The following VGLL4 variants were observed in gnomAD, a reference collection of about 807,000 sequenced individuals.
VGLL4 encodes the protein vestigial like family member 4.
A neutral mutation model predicts 21.0 loss-of-function variants in VGLL4; 7 were observed. The observed-to-expected ratio is 0.33, with a 90% CI of 0.19 to 0.63. VGLL4 has a LOEUF of 0.63. VGLL4 is among the 20% of genes least tolerant of loss of function. The pLI is 0.78. For synonymous variants in VGLL4, 222 were observed against 173.2 expected (o/e 1.28, Z -2.21); for missense variants, 394 against 425.7 (o/e 0.93, Z 0.66).
chr3:11,626,542 C>G (rs2075355280), intron 1 of VGLL4: 1 of 410,998 alleles, frequency 2.4e-6, no homozygotes, highest in Non-Finnish European at 4.8e-6. Flanking sequence ...TTGAAGGTAC[C>G]ATGACTATTC....
At chr3:11,658,108 AT>A (rs11309820) in intron 2 of VGLL4, among the ~76,000 whole-genome samples, 37,817 of 151,618 alleles carry the variant, frequency 0.25, 6,102 homozygotes, top group African/African-American at 0.46. Context: ...TAATTTTTGT[AT>A]TTTTTTGTAG....
intron 2 of VGLL4, among the ~76,000 whole-genome samples, chr3:11,650,394 G>A (rs1289862675): frequency 2.0e-5 from 3 of 152,116 alleles, no homozygotes; most frequent in East Asian, 1.9e-4. Flanking sequence ...CCAAAACTGC[G>A]AGCTGTGTAA....
At chr3:11,713,062 G>A (rs1164728160) in intron 1 of VGLL4, among the ~76,000 whole-genome samples, 1 of 152,128 alleles carries the variant, frequency 6.6e-6, no homozygotes, top group Non-Finnish European at 1.5e-5. Context: ...GAGGAGTCAA[G>A]CTAAAACCCT....
chr3:11,576,119 G>A (rs150911171), intron 2 of VGLL4, among the ~76,000 whole-genome samples: 1 of 152,206 alleles, frequency 6.6e-6, no homozygotes, highest in Non-Finnish European at 1.5e-5. Flanking sequence ...GACCGGTAAA[G>A]CATCTCACCT....
At chr3:11,704,150 G>T (rs1184407777) in intron 1 of VGLL4, among the ~76,000 whole-genome samples, 2 of 152,140 alleles carry the variant, frequency 1.3e-5, no homozygotes, top group Non-Finnish European at 2.9e-5. Context: ...GGAGGCCGAG[G>T]CGGGCAGGTA....
upstream of VGLL4, among the ~76,000 whole-genome samples, chr3:11,647,473 T>A (rs913285074): frequency 6.6e-6 from 1 of 152,156 alleles, no homozygotes; most frequent in Non-Finnish European, 1.5e-5. Context: ...GGACCAGAAG[T>A]GTTTTGGATT....
Position 11,557,509 on chromosome 3 carries a change from C to T in VGLL4, c.*1047G>A, listed in dbSNP as rs1021971307. On this transcript the variant is annotated 3_prime_UTR_variant, in exon 5 of 5. Coordinates refer to ENST00000430365, the MANE Select transcript of VGLL4 (RefSeq NM_001128219.3). ...CAAACTCCAGCATCCCACACCGCAG[C>T]TGACCCACTGCTCATCGCGAGGGCC... 6.6e-6 allele frequency: 1 copy of T among 152,552 alleles called. No individual in the cohort carries two copies. The highest frequency in any genetic ancestry group is 2.4e-5 in the African/African-American group (1 of 41,466). 9.4% of individuals were successfully genotyped at this position (152,552 alleles called of 1,614,324 possible).
intron 2 of VGLL4, among the ~76,000 whole-genome samples, chr3:11,686,600 C>T (rs1345116130): frequency 6.6e-6 from 1 of 152,152 alleles, no homozygotes; most frequent in East Asian, 1.9e-4. Context: ...GGTTGCCCAT[C>T]ACATGTATTT....
chr3:11,631,199 G>A (rs2075469138), intron 1 of VGLL4, among the ~76,000 whole-genome samples: 1 of 152,180 alleles, frequency 6.6e-6, no homozygotes, highest in Non-Finnish European at 1.5e-5. Flanking sequence ...GTTCTCTTTG[G>A]GGGATGTGCG....
At chr3:11,640,846 G>A (rs1247479241) in intron 1 of VGLL4, among the ~76,000 whole-genome samples, 2 of 152,246 alleles carry the variant, frequency 1.3e-5, no homozygotes, top group African/African-American at 4.8e-5. Context: ...GGCTGAGTGC[G>A]GTGGCTCATG....
chr3:11,681,047 C>T lies in VGLL4; in HGVS notation c.64+21924G>A, dbSNP rs577370407. On this transcript the variant is annotated intron_variant, in intron 2 of 5. Transcript: ENST00000273038. Reference sequence around the variant, plus strand: ...CCTCAGAAACGTGCTAGTCCCATGGCGTTCATAATTGTTCTTTCTAAATAC... The same window carrying T: ...CCTCAGAAACGTGCTAGTCCCATGGTGTTCATAATTGTTCTTTCTAAATAC... 2.6e-5 allele frequency among the ~76,000 whole-genome samples: 4 copies of T among 152,170 alleles called. No individual in the cohort carries two copies. In the East Asian group the frequency reaches 7.7e-4, roughly 29 times the overall value.
chr3:11,611,047 T>A (rs1236781914), intron 1 of VGLL4, among the ~76,000 whole-genome samples: 1 of 150,728 alleles, frequency 6.6e-6, no homozygotes, highest in Admixed American at 6.7e-5. Flanking sequence ...CCAACTTCCA[T>A]CATCTTTCTA....
intron 2 of VGLL4, among the ~76,000 whole-genome samples, chr3:11,652,170 T>A (rs1366501545): frequency 6.6e-6 from 1 of 152,190 alleles, no homozygotes. Flanking sequence ...AAAAGCAAAC[T>A]GCAGAATTCG....
intron 2 of VGLL4, among the ~76,000 whole-genome samples, chr3:11,572,159 ATT>A (rs2073801372): frequency 6.6e-6 from 1 of 152,168 alleles, no homozygotes; most frequent in African/African-American, 2.4e-5. Context: ...GAGTATCTTT[ATT>A]ATCATCAGCT....
At chr3:11,657,314 G>A (rs2075972314) in intron 2 of VGLL4, among the ~76,000 whole-genome samples, 1 of 152,104 alleles carries the variant, frequency 6.6e-6, no homozygotes, top group Non-Finnish European at 1.5e-5. Context: ...ATGTTTTATA[G>A]AATACACGAC....
intron 2 of VGLL4, among the ~76,000 whole-genome samples, chr3:11,566,664 G>A (rs951510242): frequency 5.9e-5 from 9 of 152,088 alleles, no homozygotes; most frequent in Non-Finnish European, 1.0e-4. Context: ...GTGTACACGC[G>A]GTGCCGCTCT....
chr3:11,668,498 T>C (rs1342943449), intron 2 of VGLL4, among the ~76,000 whole-genome samples: 2 of 152,080 alleles, frequency 1.3e-5, no homozygotes, highest in African/African-American at 2.4e-5. Flanking sequence ...TGAGTCAGAC[T>C]CTTTGGGGCC....
intron 2 of VGLL4, among the ~76,000 whole-genome samples, chr3:11,658,578 CT>C (rs2075989252): frequency 7.0e-6 from 1 of 142,984 alleles, no homozygotes; most frequent in South Asian, 2.2e-4. Flanking sequence ...AAAGAGCCAG[CT>C]GACAATTTTA....
intron 1 of VGLL4, among the ~76,000 whole-genome samples, chr3:11,604,041 A>G (rs1382224343): frequency 6.6e-6 from 1 of 152,214 alleles, no homozygotes; most frequent in African/African-American, 2.4e-5. Flanking sequence ...GATGTCTAAC[A>G]TCGAAAAAAA....
Sources: allele counts gnomAD v4.1 joint callset (sites outside exome capture counted in the v4.1 genomes callset), GRCh38; gene constraint gnomAD v4.1.1; transcripts MANE v1.5; gene names NCBI Gene and HGNC (gene_info 2026-07-23, HGNC 2026-07-21).